Variants in TEX22 observed in about 807,000 individuals in gnomAD.
TEX22 encodes the protein testis-expressed protein 22.
In TEX22, 16 loss-of-function variants were observed where a neutral mutation model predicts 11.3. The ratio of observed to expected loss-of-function variants is 1.42; its 90% CI spans 0.96 to 2.15. TEX22 has a LOEUF of 2.15. Among genes scored for constraint, TEX22 ranks in the 30% most tolerant of loss-of-function variants. The pLI is 0.00. For synonymous variants in TEX22, 97 were observed against 92.3 expected (o/e 1.05, Z -0.29); for missense variants, 220 against 208.6 (o/e 1.05, Z -0.34).
chr14:105,402,146 A>G (rs2081630785), intron 2 of TEX22, among the ~76,000 whole-genome samples: 1 of 152,190 alleles, frequency 6.6e-6, no homozygotes, highest in South Asian at 2.1e-4. Flanking sequence ...AGATTCCGCC[A>G]CCACACTCCA....
In TEX22 at chr14:105,399,415, A is replaced by G; in HGVS notation, c.75A>G (p.Pro25=). ...SHLSQEHRRP[P]LGLIAAWGQP... is the part of the protein sequence containing the mutation. ...TCTCCCAAGAGCACAGGCGGCCCCC[A>G]CTGGGCCTGATAGCAGCCTGGGGCC... The change falls in exon 2 of 4, where the codon CCA becomes CCG. Residue 25 remains proline, a synonymous_variant. Transcript: ENST00000451127. 6.5e-7 allele frequency: 1 copy of G among 1,535,794 alleles called. No individual in the cohort carries two copies. Among genetic ancestry groups the G allele is most frequent in the Non-Finnish European group, 8.7e-7 (1 of 1,146,776 alleles).
intron 2 of TEX22, among the ~76,000 whole-genome samples, chr14:105,401,989 C>A (rs1345240431): frequency 6.6e-6 from 1 of 152,084 alleles, no homozygotes; most frequent in Non-Finnish European, 1.5e-5. Context: ...AGTTGGAGAC[C>A]ATCCTGGCAA....
At chr14:105,408,975 C>T (rs1420098959) in intron 2 of TEX22, among the ~76,000 whole-genome samples, 1 of 149,314 alleles carries the variant, frequency 6.7e-6, no homozygotes, top group Non-Finnish European at 1.5e-5. Context: ...CCTGCTCCTC[C>T]TCCTCCTCCT....
At position 105,411,909 on chromosome 14, in the gene TEX22, T is replaced by C. The variant is rs587612533; in HGVS notation, c.*76T>C. The C allele has an allele frequency of 1.5e-6, 2 of 1,334,544 alleles. No homozygotes were observed. Among genetic ancestry groups the C allele is most frequent in the South Asian group, 3.2e-5 (2 of 62,770 alleles). The allele number at this position is 1,334,544 out of a possible 1,614,324, so 82.7% of individuals were successfully genotyped here. The stretch of plus-strand genomic sequence containing the variant: ...CACGGTGGGGGCAGCCTCTGCGCCT[T>C]CTTTGTGCCCCACCAGGGGGTCACC... On this transcript the variant is annotated 3_prime_UTR_variant, in exon 4 of 4. Coordinates refer to ENST00000451127, the MANE Select transcript of TEX22 (RefSeq NM_001195082.2).
intron 2 of TEX22, among the ~76,000 whole-genome samples, chr14:105,404,410 C>T (rs1489345518): frequency 6.6e-6 from 1 of 152,190 alleles, no homozygotes; most frequent in Non-Finnish European, 1.5e-5. Context: ...ATACACTGGT[C>T]ATCCTATTTA....
At chr14:105,411,572 C>G in intron 3 of TEX22, 76 bp downstream of exon 3, 1 of 1,226,472 alleles carries the variant, frequency 8.2e-7, no homozygotes, top group South Asian at 1.6e-5. Context: ...TCGACTCAGT[C>G]CCACTGGGCC....
chr14:105,406,953 TA>T, intron 2 of TEX22, among the ~76,000 whole-genome samples: 1 of 152,326 alleles, frequency 6.6e-6, no homozygotes, highest in South Asian at 2.1e-4. Context: ...GACCTTTTTC[TA>T]AAGATGTATT....
Position 105,402,713 on chromosome 14 carries a change from G to A in TEX22, c.150+3223G>A, listed in dbSNP as rs587757026. On this transcript the variant is annotated intron_variant, in intron 2 of 3. Coordinates refer to ENST00000451127, the MANE Select transcript of TEX22 (RefSeq NM_001195082.2). ...GGAGCTTGCAGTGAGACGAGATTGC[G>A]CTACTGCACTCCAGCCTGGGCGACA... is the stretch of plus-strand genomic sequence containing the variant. Among the ~76,000 whole-genome samples, 230 of 146,886 alleles carry A rather than the reference G, an allele frequency of 1.6e-3. 2 individuals carry two copies. The highest frequency in any genetic ancestry group is 3.0e-3 in the African/African-American group (117 of 38,692).
chr14:105,402,001 TG>T (rs782066281), intron 2 of TEX22, among the ~76,000 whole-genome samples: 2 of 151,962 alleles, frequency 1.3e-5, no homozygotes, highest in Non-Finnish European at 2.9e-5. Flanking sequence ...TCCTGGCAAA[TG>T]GGATGAAACC....
At chr14:105,410,313 G>A (rs2141362472) in intron 2 of TEX22, among the ~76,000 whole-genome samples, 2 of 152,312 alleles carry the variant, frequency 1.3e-5, no homozygotes, top group Admixed American at 1.3e-4. Context: ...CTGACCTCAG[G>A]TGATCTACTC....
intron 2 of TEX22, among the ~76,000 whole-genome samples, chr14:105,405,208 T>G (rs1001029210): frequency 2.6e-5 from 4 of 151,952 alleles, no homozygotes; most frequent in Non-Finnish European, 5.9e-5. Flanking sequence ...GAGGATCACT[T>G]GTGTCTGTGA....
At chr14:105,411,259 C>T in intron 2 of TEX22, 109 bp from the exon 3 acceptor site, 1 of 1,163,964 alleles carries the variant, frequency 8.6e-7, no homozygotes, top group Non-Finnish European at 1.1e-6. Context: ...GCAGACGGCG[C>T]TTTAGAAAGC....
chr14:105,409,706 C>T (rs1362882176), intron 2 of TEX22, among the ~76,000 whole-genome samples: 4 of 147,828 alleles, frequency 2.7e-5, no homozygotes, highest in African/African-American at 9.7e-5. Context: ...TTTCTCCCTT[C>T]CTTTCTTTCT....
In TEX22 at chr14:105,399,410, C is replaced by G. The variant is rs1260514045; in HGVS notation, c.70C>G (p.Pro24Ala). The change falls in exon 2 of 4, where the codon CCC (proline) becomes GCC (alanine). Residue 24 changes from proline (P) to alanine (A), a missense_variant. Pro to Ala is a conservative substitution (Grantham distance 27, BLOSUM62 -1). Transcript: ENST00000451127. The part of the protein sequence containing the change: ...ESHLSQEHRR[P>A]PLGLIAAWGQ... ...GCACCTCTCCCAAGAGCACAGGCGG[C>G]CCCCACTGGGCCTGATAGCAGCCTG... is the stretch of plus-strand genomic sequence containing the variant. 4 of 1,535,838 alleles carry G rather than the reference C, an allele frequency of 2.6e-6. No individual in the cohort carries two copies. The highest frequency in any genetic ancestry group is 2.0e-5 in the Admixed American group (1 of 50,998).
chr14:105,406,629 A>G (rs1363696655), intron 2 of TEX22, among the ~76,000 whole-genome samples: 1 of 151,868 alleles, frequency 6.6e-6, no homozygotes, highest in Non-Finnish European at 1.5e-5. Flanking sequence ...CTGTATCTTT[A>G]AAAAAAAGGA....
At position 105,411,710 on chromosome 14, in the gene TEX22, C is replaced by A; in HGVS notation, c.330C>A (p.Asp110Glu). The A allele has an allele frequency of 9.8e-6, 15 of 1,530,398 alleles. No homozygotes were observed. Among genetic ancestry groups the A allele is most frequent in the Non-Finnish European group, 1.3e-5 (15 of 1,143,938 alleles). 94.8% of individuals were successfully genotyped at this position (1,530,398 alleles called of 1,614,324 possible). The change falls in exon 4 of 4, where the codon GAC becomes GAA. Residue 110 changes from aspartate to glutamate, a missense_variant. Transcript: ENST00000451127. ...AQLVSEDVDK[D>E]VLLPHPLRST... The stretch of plus-strand genomic sequence containing the variant: ...TGGTGTCGGAGGACGTGGACAAGGA[C>A]GTGCTCCTTCCCCACCCGCTGAGGT...
intron 3 of TEX22, 36 bp downstream of exon 3, chr14:105,411,532 G>GGGCGCC: frequency 3.6e-6 from 1 of 279,052 alleles, no homozygotes; most frequent in Non-Finnish European, 4.0e-6. Flanking sequence ...CCCCGTCCCC[G>GGGCGCC]CCCCGCCCCG....
At chr14:105,410,000 C>T (rs2081680580) in intron 2 of TEX22, among the ~76,000 whole-genome samples, 1 of 152,042 alleles carries the variant, frequency 6.6e-6, no homozygotes, top group Admixed American at 6.6e-5. Flanking sequence ...AATTCCTGGC[C>T]TCAAGCGATC....
chr14:105,405,152 A>G (rs1398564202), intron 2 of TEX22, among the ~76,000 whole-genome samples: 1 of 152,284 alleles, frequency 6.6e-6, no homozygotes, highest in Middle Eastern at 3.4e-3. Context: ...TTAGCCAGGC[A>G]TGGTGGCATG....
Sources: allele counts gnomAD v4.1 joint callset (sites outside exome capture counted in the v4.1 genomes callset), GRCh38; gene constraint gnomAD v4.1.1; transcripts MANE v1.5; gene names NCBI Gene and HGNC (gene_info 2026-07-23, HGNC 2026-07-21).